ASTN2: variants seen among roughly 807,000 people sequenced by gnomAD.
ASTN2 encodes the protein astrotactin 2.
ASTN2 carries 54 observed loss-of-function variants against 139.8 expected under a neutral mutation model. The observed-to-expected ratio is 0.39, with a 90% confidence interval of 0.31 to 0.48. The LOEUF (loss-of-function observed/expected upper bound fraction) is 0.48, where lower values mean the gene tolerates loss of function less well. Among genes scored for constraint, ASTN2 ranks in the 20% least tolerant of loss-of-function variants. The pLI is 0.95. For missense variants in ASTN2, 1,565 were observed against 1,725.1 expected (o/e 0.91, Z 1.64); for synonymous variants, 756 against 719.5 (o/e 1.05, Z -0.81).
intron 5 of ASTN2, among the ~76,000 whole-genome samples, chr9:117,062,269 A>T (rs12235460): frequency 0.1 from 15,875 of 152,160 alleles, 1,065 homozygotes; most frequent in East Asian, 0.2. Flanking sequence ...CCATTAGAGG[A>T]TCTTCTCACC....
At chr9:116,658,733 CTTTTTTTTTT>C (rs71502074) in intron 16 of ASTN2, among the ~76,000 whole-genome samples, 42,214 of 102,648 alleles carry the variant, frequency 0.41, 7,056 homozygotes, top group Admixed American at 0.56. Context: ...GACCACCGCT[CTTTTTTTTTT>C]TTTTTTTTTT....
chr9:116,887,634 A>G (rs1588385892), intron 10 of ASTN2, among the ~76,000 whole-genome samples: 1 of 152,116 alleles, frequency 6.6e-6, no homozygotes, highest in Non-Finnish European at 1.5e-5. Context: ...AGTTTTGAGC[A>G]AAGACTGCAA....
intron 19 of ASTN2, among the ~76,000 whole-genome samples, chr9:116,566,903 G>C (rs757388099): frequency 1.3e-5 from 2 of 152,042 alleles, no homozygotes; most frequent in African/African-American, 4.8e-5. Context: ...CCCCCAACCT[G>C]ATGGCTCCCA....
At chr9:116,586,705 G>A (rs1163230933) in intron 19 of ASTN2, among the ~76,000 whole-genome samples, 2 of 151,858 alleles carry the variant, frequency 1.3e-5, no homozygotes, top group Non-Finnish European at 2.9e-5. Flanking sequence ...CACTACCTGG[G>A]TGATGGAATC....
At chr9:116,510,997 C>T (rs919869863) in intron 19 of ASTN2, among the ~76,000 whole-genome samples, 1 of 152,104 alleles carries the variant, frequency 6.6e-6, no homozygotes, top group African/African-American at 2.4e-5. Context: ...CCTTTATTTC[C>T]TTCTCCTGCC....
At chr9:116,786,086 G>T (rs1156355719) in intron 13 of ASTN2, among the ~76,000 whole-genome samples, 1 of 152,034 alleles carries the variant, frequency 6.6e-6, no homozygotes, top group Admixed American at 6.6e-5. Context: ...ATCCACCGAG[G>T]CTCCTTTTGG....
At chr9:116,567,892 A>G (rs899555508) in intron 19 of ASTN2, among the ~76,000 whole-genome samples, 2 of 152,208 alleles carry the variant, frequency 1.3e-5, no homozygotes, top group Non-Finnish European at 2.9e-5. Flanking sequence ...CATCCCAGAT[A>G]TGAAAACCAA....
intron 10 of ASTN2, among the ~76,000 whole-genome samples, chr9:116,903,362 A>G (rs1044049660): frequency 6.6e-6 from 1 of 152,174 alleles, no homozygotes; most frequent in Admixed American, 6.5e-5. Context: ...ACTGATGTTT[A>G]CTTAGCATTA....
chr9:116,949,828 A>G (rs1472397099), intron 10 of ASTN2, among the ~76,000 whole-genome samples: 1 of 152,236 alleles, frequency 6.6e-6, no homozygotes, highest in African/African-American at 2.4e-5. Flanking sequence ...TTGCCCTGTG[A>G]GAAGGCTACG....
chr9:116,976,782 T>C lies in ASTN2; in HGVS notation c.1595A>G (p.Glu532Gly). The change falls in exon 8 of 23, where the codon GAG becomes GGG. Residue 532 changes from glutamate (E) to glycine (G), a missense_variant. Physicochemically the swap from Glu to Gly is moderately conservative, Grantham distance 98 (BLOSUM62 -2). Transcript: ENST00000313400. The stretch of plus-strand genomic sequence containing the variant: ...GGCATAGCCTTCATGACAGCTGCAC[T>C]CTCCTGTAAGTGAAAAGAAAAAAGA... ...CEQLCDPETG[E>G]CSCHEGYAPD... The C allele has an allele frequency of 6.2e-7, 1 of 1,613,780 alleles. No individual in the cohort carries two copies. The highest frequency in any genetic ancestry group is 1.1e-5 in the South Asian group (1 of 91,062).
At chr9:117,193,127 A>G (rs1319825557) in intron 3 of ASTN2, among the ~76,000 whole-genome samples, 3 of 152,206 alleles carry the variant, frequency 2.0e-5, no homozygotes, top group Non-Finnish European at 2.9e-5. Flanking sequence ...GAAGAGGTGT[A>G]CCCAAAGAGA....
At chr9:116,751,875 A>G (rs573902211) in intron 13 of ASTN2, among the ~76,000 whole-genome samples, 1 of 152,306 alleles carries the variant, frequency 6.6e-6, no homozygotes, top group South Asian at 2.1e-4. Context: ...AATAAATAAA[A>G]GGAGATTCCC....
At chr9:117,092,746 G>A (rs924138126) in intron 5 of ASTN2, among the ~76,000 whole-genome samples, 2 of 152,124 alleles carry the variant, frequency 1.3e-5, no homozygotes, top group South Asian at 2.1e-4. Flanking sequence ...CTGTGTCACC[G>A]CTGGGCTGGC....
At chr9:116,663,365 C>T (rs1858675664) in intron 16 of ASTN2, among the ~76,000 whole-genome samples, 1 of 152,140 alleles carries the variant, frequency 6.6e-6, no homozygotes, top group Non-Finnish European at 1.5e-5. Context: ...AGGGTATGAA[C>T]ATCAGCTGGA....
chr9:117,080,181 A>G (rs1828389435), intron 5 of ASTN2, among the ~76,000 whole-genome samples: 1 of 152,242 alleles, frequency 6.6e-6, no homozygotes, highest in South Asian at 2.1e-4. Context: ...TGCATAATAT[A>G]TAACATTGTG....
chr9:117,074,787 ATATGTATATGCATGCATGTGTATATT>A (rs1338415691), intron 5 of ASTN2, among the ~76,000 whole-genome samples: 1 of 152,208 alleles, frequency 6.6e-6, no homozygotes, highest in Non-Finnish European at 1.5e-5. Context: ...ATACACATAC[ATATGTATATGCATGCATGTGTATATT>A]TATGTATATG....
chr9:116,834,642 C>T (rs1363466360), intron 11 of ASTN2, among the ~76,000 whole-genome samples: 2 of 152,206 alleles, frequency 1.3e-5, no homozygotes, highest in African/African-American at 4.8e-5. Flanking sequence ...CATCCATTTA[C>T]TTTCAATCTG....
intron 5 of ASTN2, among the ~76,000 whole-genome samples, chr9:117,066,178 C>T (rs1474437542): frequency 4.6e-5 from 5 of 109,494 alleles, no homozygotes; most frequent in Admixed American, 1.1e-4. Flanking sequence ...CTCCCCCCAC[C>T]CCACCACAGT....
Position 117,216,736 on chromosome 9 carries a change from A to G in ASTN2, c.631-1994T>C, listed in dbSNP as rs890675359. Among the ~76,000 whole-genome samples, 3 of 152,094 alleles carry G rather than the reference A, an allele frequency of 2.0e-5. No homozygotes were observed. The East Asian group carries it at 5.8e-4, about 29-fold the overall frequency. Reference sequence around the variant, plus strand: ...GGGATTTTTTTGTGTTTCAGAAATAAGAAAAGAAGGAGAGGGAGGGAGTGA... The same window carrying G: ...GGGATTTTTTTGTGTTTCAGAAATAGGAAAAGAAGGAGAGGGAGGGAGTGA... On this transcript the variant is annotated intron_variant, in intron 2 of 22. Coordinates refer to ENST00000313400, the MANE Select transcript of ASTN2 (RefSeq NM_001365068.1).
Sources: allele counts gnomAD v4.1 joint callset (sites outside exome capture counted in the v4.1 genomes callset), GRCh38; gene constraint gnomAD v4.1.1; transcripts MANE v1.5; gene names NCBI Gene and HGNC (gene_info 2026-07-23, HGNC 2026-07-21).